Variants in GNAZ observed in about 807,000 individuals in gnomAD.
GNAZ encodes G protein subunit alpha z, also known as guanine nucleotide-binding protein G(z) subunit alpha.
A neutral mutation model predicts 25.4 loss-of-function variants in GNAZ; 3 were observed. The observed-to-expected ratio is 0.12, with a 90% CI of 0.05 to 0.30. GNAZ has a LOEUF of 0.30. Among genes scored for constraint, GNAZ ranks in the 10% least tolerant of loss-of-function variants. GNAZ has a pLI of 1.00. For synonymous variants in GNAZ, 211 were observed against 205.7 expected (o/e 1.03, Z -0.22); for missense variants, 241 against 501.8 (o/e 0.48, Z 4.97).
Position 23,123,869 on chromosome 22 carries a change from C to T in GNAZ, c.*438C>T. ...GCCTGGAGGAGGGCCAGCTCGCTGC[C>T]CGAGCTCTGGCCTAGGGACCTTGCC... is the stretch of plus-strand genomic sequence containing the variant. On this transcript the variant is annotated 3_prime_UTR_variant, in exon 3 of 3. Coordinates refer to ENST00000615612, the MANE Select transcript of GNAZ (RefSeq NM_002073.4). 4.5e-6 allele frequency: 1 copy of T among 220,922 alleles called. No individual in the cohort carries two copies. The highest frequency in any genetic ancestry group is 7.5e-5 in the South Asian group (1 of 13,378). The allele number at this position is 220,922 out of a possible 1,614,324, so 13.7% of individuals were successfully genotyped here. A position where few individuals can be genotyped will look rare whatever the true frequency, so the allele number is the denominator to read the frequency against.
chr22:23,119,825 C>T (rs1020493526), intron 2 of GNAZ, among the ~76,000 whole-genome samples: 1 of 152,050 alleles, frequency 6.6e-6, no homozygotes, highest in African/African-American at 2.4e-5. Context: ...AGCCAAGAAA[C>T]AAGACCAGGA....
At chr22:23,099,457 C>T (rs1478114719) in intron 2 of GNAZ, among the ~76,000 whole-genome samples, 1 of 152,276 alleles carries the variant, frequency 6.6e-6, no homozygotes, top group Non-Finnish European at 1.5e-5. Context: ...TCAGGCAGCA[C>T]AGGAGGCCTG....
chr22:23,090,823 T>A (rs2146300716), intron 1 of GNAZ, among the ~76,000 whole-genome samples: 1 of 152,322 alleles, frequency 6.6e-6, no homozygotes, highest in African/African-American at 2.4e-5. Flanking sequence ...GCTGCTTATT[T>A]ACTGCCTGTA....
intron 2 of GNAZ, among the ~76,000 whole-genome samples, chr22:23,107,603 G>A (rs1288220403): frequency 6.6e-6 from 1 of 152,162 alleles, no homozygotes; most frequent in Non-Finnish European, 1.5e-5. Context: ...GGGGTGTAGG[G>A]AGCAGAAGCT....
chr22:23,096,350 G>A lies in GNAZ; in HGVS notation c.655G>A (p.Val219Ile), dbSNP rs775837880. The A allele has an allele frequency of 4.3e-6, 7 of 1,613,414 alleles. No homozygotes were observed. Among genetic ancestry groups the A allele is most frequent in the African/African-American group, 1.3e-5 (1 of 74,922 alleles). Reference sequence around the variant, plus strand: ...AAAGTGGATCCACTGCTTCGAGGGCGTCACAGCCATCATCTTCTGTGTGGA... The same window carrying A: ...AAAGTGGATCCACTGCTTCGAGGGCATCACAGCCATCATCTTCTGTGTGGA... ...RKKWIHCFEG[V>I]TAIIFCVELS... Residue 219 changes from valine (V) to isoleucine (I), a missense_variant, in exon 2 of 3, where the codon GTC becomes ATC. By Grantham distance (29) the Val-to-Ile change is conservative. Coordinates refer to ENST00000615612, the MANE Select transcript of GNAZ (RefSeq NM_002073.4).
intron 1 of GNAZ, among the ~76,000 whole-genome samples, chr22:23,073,819 G>A (rs5751574): frequency 0.35 from 53,483 of 151,900 alleles, 11,032 homozygotes; most frequent in African/African-American, 0.58. Context: ...CAGCAGGGAC[G>A]TAGCATCCAC....
At chr22:23,096,822 G>C (rs1172986335) in intron 2 of GNAZ, among the ~76,000 whole-genome samples, 1 of 152,252 alleles carries the variant, frequency 6.6e-6, no homozygotes, top group Non-Finnish European at 1.5e-5. Flanking sequence ...ATGGGGTTAA[G>C]AGCTGTTTAG....
At chr22:23,097,146 C>T (rs1036666715) in intron 2 of GNAZ, among the ~76,000 whole-genome samples, 4 of 152,140 alleles carry the variant, frequency 2.6e-5, no homozygotes, top group Non-Finnish European at 5.9e-5. Flanking sequence ...TCAAGTCTGC[C>T]CTTAAGAGAG....
chr22:23,107,469 A>C (rs2069516370), intron 2 of GNAZ, among the ~76,000 whole-genome samples: 1 of 152,144 alleles, frequency 6.6e-6, no homozygotes, highest in Non-Finnish European at 1.5e-5. Context: ...AGGGCCTGAG[A>C]GTGTCTGAGG....
At chr22:23,116,318 T>C (rs2069834996) in intron 2 of GNAZ, among the ~76,000 whole-genome samples, 1 of 152,170 alleles carries the variant, frequency 6.6e-6, no homozygotes, top group South Asian at 2.1e-4. Flanking sequence ...GACACCTGGG[T>C]CATGAAGGGC....
At chr22:23,091,031 C>T (rs1434739028) in intron 1 of GNAZ, among the ~76,000 whole-genome samples, 1 of 152,216 alleles carries the variant, frequency 6.6e-6, no homozygotes, top group Non-Finnish European at 1.5e-5. Flanking sequence ...TTCCTCCTCT[C>T]CAGGGCATCT....
intron 2 of GNAZ, among the ~76,000 whole-genome samples, chr22:23,118,246 A>C (rs2069906901): frequency 6.6e-6 from 1 of 152,100 alleles, no homozygotes; most frequent in Non-Finnish European, 1.5e-5. Context: ...AAATCACCTC[A>C]CCATTCCCCG....
chr22:23,096,095 G>T lies in GNAZ; in HGVS notation c.400G>T (p.Asp134Tyr). The change falls in exon 2 of 3, where the codon GAC (aspartate) becomes TAC (tyrosine). Residue 134 changes from aspartate to tyrosine, a missense_variant. By Grantham distance (160) the Asp-to-Tyr change is radical. Transcript: ENST00000615612. ...LLGVMRRLWA[D>Y]PGAQACFSRS... is the part of the protein sequence containing the mutation. ...GGGTGTCATGCGACGGCTCTGGGCC[G>T]ACCCAGGGGCACAGGCCTGCTTCAG... is the stretch of plus-strand genomic sequence containing the variant. 6.2e-7 allele frequency: 1 copy of T among 1,610,116 alleles called. No homozygotes were observed.
chr22:23,109,748 G>A (rs1017106908), intron 2 of GNAZ, among the ~76,000 whole-genome samples: 7 of 152,232 alleles, frequency 4.6e-5, no homozygotes, highest in Admixed American at 3.9e-4. Context: ...CAGGCTAGAG[G>A]AATGGAAACA....
Position 23,104,459 on chromosome 22 carries a change from C to T in GNAZ, c.723+8041C>T, listed in dbSNP as rs543597127. On this transcript the variant is annotated intron_variant, in intron 2 of 2. Coordinates refer to ENST00000615612, the MANE Select transcript of GNAZ (RefSeq NM_002073.4). ...CAGGGCAGAGCTGCTTCCCACCCCA[C>T]ATCCCCTCAACCTGCATCGGCTAGG... Among the ~76,000 whole-genome samples, 7 of 152,344 alleles carry T rather than the reference C, an allele frequency of 4.6e-5. No individual in the cohort carries two copies. In the South Asian group the frequency reaches 1.2e-3, roughly 27 times the overall value.
chr22:23,091,706 A>G (rs1018411398), intron 1 of GNAZ, among the ~76,000 whole-genome samples: 8 of 152,202 alleles, frequency 5.3e-5, no homozygotes, highest in South Asian at 4.1e-4. Flanking sequence ...ACGCACCGCA[A>G]TGGACCTGCA....
chr22:23,120,984 C>T (rs2070008772), intron 2 of GNAZ, among the ~76,000 whole-genome samples: 1 of 152,196 alleles, frequency 6.6e-6, no homozygotes, highest in African/African-American at 2.4e-5. Flanking sequence ...AGCTCTGTTA[C>T]CACAGTCCTC....
intron 1 of GNAZ, among the ~76,000 whole-genome samples, chr22:23,092,357 C>A (rs2069003165): frequency 6.6e-6 from 1 of 152,148 alleles, no homozygotes; most frequent in African/African-American, 2.4e-5. Flanking sequence ...ACAGCCCTGT[C>A]CCATGCGTGG....
At position 23,109,700 on chromosome 22, in the gene GNAZ, A is replaced by G. The variant is rs564558960; in HGVS notation, c.723+13282A>G. Among the ~76,000 whole-genome samples, 772 of 152,310 alleles carry G rather than the reference A, an allele frequency of 5.1e-3. 5 individuals are homozygous for G. Among genetic ancestry groups the G allele is most frequent in the Non-Finnish European group, 8.1e-3 (551 of 68,018 alleles). ...GTCTCCCTCAGCATCTCAGATGCTC[A>G]CAGAACCACGGGGGCAGCAGGGTTC... is the stretch of plus-strand genomic sequence containing the variant. On this transcript the variant is annotated intron_variant, in intron 2 of 2. Transcript: ENST00000615612.
Sources: gnomAD v4.1 joint callset for allele counts (sites outside exome capture counted in the v4.1 genomes callset) on GRCh38, gnomAD v4.1.1 for gene constraint, MANE v1.5 for transcripts, NCBI Gene and HGNC (gene_info 2026-07-23, HGNC 2026-07-21) for gene names.